MDGA2: variants seen among roughly 807,000 people sequenced by gnomAD.
MDGA2 encodes MAM domain-containing glycosylphosphatidylinositol anchor protein 2.
MDGA2 carries 40 observed loss-of-function variants against 117.8 expected under a neutral mutation model. The ratio of observed to expected loss-of-function variants is 0.34; its 90% CI spans 0.26 to 0.44. The LOEUF is 0.44. MDGA2 is among the 20% of genes least tolerant of loss of function. The pLI, the probability that MDGA2 is intolerant of heterozygous loss-of-function variation, is 1.00. For synonymous variants in MDGA2, 452 were observed against 439.0 expected, an observed-to-expected ratio of 1.03 and a Z score of -0.37; for missense variants, 1,123 against 1,250.6, an observed-to-expected ratio of 0.90 and a Z score of 1.54.
intron 8 of MDGA2, among the ~76,000 whole-genome samples, chr14:46,985,877 C>T (rs1347419865): frequency 6.6e-6 from 1 of 151,988 alleles, no homozygotes; most frequent in Non-Finnish European, 1.5e-5. Context: ...TTAATAATGC[C>T]TTATTCACCT....
At chr14:47,225,039 AG>A (rs1418948000) in intron 2 of MDGA2, among the ~76,000 whole-genome samples, 2 of 152,242 alleles carry the variant, frequency 1.3e-5, no homozygotes, top group Non-Finnish European at 2.9e-5. Flanking sequence ...TTATAAAAAA[AG>A]AACCACAATT....
At chr14:47,111,574 C>G (rs1035243791) in intron 5 of MDGA2, among the ~76,000 whole-genome samples, 1 of 152,048 alleles carries the variant, frequency 6.6e-6, no homozygotes, top group Non-Finnish European at 1.5e-5. Context: ...CTGAAGTGTC[C>G]GTGGAAGAGG....
At position 46,842,628 on chromosome 14, in the gene MDGA2, G is replaced by A. The variant is rs542375998; in HGVS notation, c.2990-609C>T. On this transcript the variant is annotated intron_variant, in intron 16 of 16. Coordinates refer to ENST00000399232, the MANE Select transcript of MDGA2 (RefSeq NM_001113498.3). ...ACCAATCGGCCTGGAAAGTCCTACTGTAATTGGGATTTCTGTTAAAACCTG... is the reference window on the plus strand; with the variant it reads ...ACCAATCGGCCTGGAAAGTCCTACTATAATTGGGATTTCTGTTAAAACCTG... 2.8e-4 allele frequency among the ~76,000 whole-genome samples: 42 copies of A among 152,312 alleles called. No homozygotes were observed. The Middle Eastern group carries it at 0.014, about 49-fold the overall frequency.
At chr14:47,050,577 G>A (rs1293064848) in intron 7 of MDGA2, among the ~76,000 whole-genome samples, 2 of 151,908 alleles carry the variant, frequency 1.3e-5, no homozygotes, top group African/African-American at 4.8e-5. Context: ...CTTCATTTGT[G>A]TGCTGTAAAT....
chr14:46,945,846 T>C (rs563535731), intron 9 of MDGA2, among the ~76,000 whole-genome samples: 14 of 152,180 alleles, frequency 9.2e-5, no homozygotes, highest in African/African-American at 2.6e-4. Context: ...TGGTCGTTTG[T>C]AGTAGAAAGG....
Position 47,516,763 on chromosome 14 carries a change from A to G in MDGA2, c.280+157754T>C, listed in dbSNP as rs543494476. On this transcript the variant is annotated intron_variant, in intron 1 of 16. Transcript: ENST00000399232. ...AGATGACATCAGGAACCTTTAGATC[A>G]AGATGTACATCAAGTTAGAAAAATC... Among the ~76,000 whole-genome samples the G allele has an allele frequency of 6.6e-5, 10 of 152,326 alleles. No homozygotes were observed. In the East Asian group the frequency reaches 1.9e-3, roughly 29 times the overall value.
chr14:47,076,747 T>C (rs1890511050), intron 6 of MDGA2, among the ~76,000 whole-genome samples: 1 of 152,130 alleles, frequency 6.6e-6, no homozygotes, highest in African/African-American at 2.4e-5. Flanking sequence ...CCAATGAGAA[T>C]CTTATAAAGC....
At chr14:47,163,918 C>T (rs915889956) in intron 3 of MDGA2, among the ~76,000 whole-genome samples, 2 of 152,210 alleles carry the variant, frequency 1.3e-5, no homozygotes, top group Non-Finnish European at 2.9e-5. Context: ...TCAGCACACC[C>T]TGGCTGCAAA....
chr14:46,845,033 C>A (rs1221881582), intron 16 of MDGA2, among the ~76,000 whole-genome samples: 2 of 152,284 alleles, frequency 1.3e-5, no homozygotes, highest in Admixed American at 6.5e-5. Context: ...AGGGACTACA[C>A]GCCCGGCTAA....
chr14:46,983,813 A>T (rs915790372), intron 8 of MDGA2, among the ~76,000 whole-genome samples: 2 of 152,072 alleles, frequency 1.3e-5, no homozygotes, highest in African/African-American at 4.8e-5. Flanking sequence ...GAGAATTTTG[A>T]TTAATTCTCT....
intron 5 of MDGA2, among the ~76,000 whole-genome samples, chr14:47,120,836 TAG>T (rs1006897432): frequency 1.3e-5 from 2 of 152,144 alleles, no homozygotes; most frequent in Admixed American, 6.5e-5. Context: ...AACTACCACA[TAG>T]AGTCATTTTT....
At chr14:47,177,437 G>C (rs1884512655) in intron 3 of MDGA2, among the ~76,000 whole-genome samples, 1 of 152,188 alleles carries the variant, frequency 6.6e-6, no homozygotes, top group Non-Finnish European at 1.5e-5. Flanking sequence ...TTAAGAAAAT[G>C]TGGCACATAG....
At chr14:47,028,634 T>C (rs1001976265) in intron 8 of MDGA2, among the ~76,000 whole-genome samples, 1 of 151,512 alleles carries the variant, frequency 6.6e-6, no homozygotes, top group African/African-American at 2.4e-5. Flanking sequence ...GTATAGAGGG[T>C]TGCGACTTAG....
At chr14:47,659,716 A>C (rs919838455) in intron 1 of MDGA2, among the ~76,000 whole-genome samples, 3 of 152,194 alleles carry the variant, frequency 2.0e-5, no homozygotes, top group African/African-American at 7.2e-5. Flanking sequence ...AAAATGCAAA[A>C]ATTGGAAGCA....
At chr14:47,270,557 T>C (rs990707822) in intron 2 of MDGA2, among the ~76,000 whole-genome samples, 1 of 152,202 alleles carries the variant, frequency 6.6e-6, no homozygotes, top group African/African-American at 2.4e-5. Flanking sequence ...AATACCACTT[T>C]ACATCTCTTC....
At chr14:47,132,746 A>C (rs1009687429) in intron 4 of MDGA2, among the ~76,000 whole-genome samples, 6 of 151,944 alleles carry the variant, frequency 3.9e-5, no homozygotes, top group African/African-American at 1.4e-4. Flanking sequence ...ATGGCAAAAC[A>C]GTGTCTCAAT....
At chr14:47,022,443 A>G (rs1290209224) in intron 8 of MDGA2, among the ~76,000 whole-genome samples, 1 of 152,208 alleles carries the variant, frequency 6.6e-6, no homozygotes, top group Non-Finnish European at 1.5e-5. Flanking sequence ...TAATTCACCA[A>G]TGTATGCACT....
intron 14 of MDGA2, among the ~76,000 whole-genome samples, chr14:46,868,875 C>T (rs761663928): frequency 6.6e-6 from 1 of 151,978 alleles, no homozygotes; most frequent in Non-Finnish European, 1.5e-5. Context: ...ACTTCCATGT[C>T]AGCTTGCTGT....
rs73252356 is a variant in MDGA2, at chr14:46,884,834, G to T, written c.2239-2613C>A. Reference sequence around the variant, plus strand: ...AGAAAAAATGTTATTATGATCTCAGGTAATACATTACTTTCTTTTTTGTTT... The same window carrying T: ...AGAAAAAATGTTATTATGATCTCAGTTAATACATTACTTTCTTTTTTGTTT... On this transcript the variant is annotated intron_variant, in intron 10 of 16. Transcript: ENST00000399232. This position sits in a 1 kb window ranked among gnomAD's most constrained non-coding sequence, Gnocchi z 4.1. Among the ~76,000 whole-genome samples the T allele has an allele frequency of 6.6e-6, 1 of 151,268 alleles. No individual in the cohort carries two copies. Among genetic ancestry groups the T allele is most frequent in the Non-Finnish European group, 1.5e-5 (1 of 67,770 alleles).
Sources: gnomAD v4.1 joint callset for allele counts (sites outside exome capture counted in the v4.1 genomes callset) on GRCh38, gnomAD v4.1.1 for gene constraint, Gnocchi (gnomAD v3.1) non-coding constraint, MANE v1.5 for transcripts, NCBI Gene and HGNC (gene_info 2026-07-23, HGNC 2026-07-21) for gene names.